PPFIA2: variants seen among roughly 807,000 people sequenced by gnomAD.
The protein encoded by PPFIA2 is PPFI scaffold protein A2, also known as liprin-alpha-2.
A neutral mutation model predicts 175.5 loss-of-function variants in PPFIA2; 46 were observed. The observed-to-expected ratio is 0.26, with a 90% CI of 0.21 to 0.34. The LOEUF is 0.34. Ranked by LOEUF, PPFIA2 falls within the 10% of genes least tolerant of loss-of-function variation. PPFIA2 has a pLI of 1.00. For missense variants in PPFIA2, 1,179 were observed against 1,506.1 expected, an observed-to-expected ratio of 0.78 and a Z score of 3.60; for synonymous variants, 568 against 511.4, an observed-to-expected ratio of 1.11 and a Z score of -1.49.
intron 4 of PPFIA2, among the ~76,000 whole-genome samples, chr12:81,552,364 C>A (rs192086772): frequency 6.7e-6 from 1 of 148,856 alleles, no homozygotes; most frequent in Non-Finnish European, 1.5e-5. Context: ...GTAATATACA[C>A]ATTTTTTTTT....
intron 13 of PPFIA2, chr12:81,368,133 C>T (rs2034055791): frequency 7.8e-7 from 1 of 1,288,220 alleles, no homozygotes; most frequent in South Asian, 1.2e-5. Context: ...TGGTAACCAG[C>T]TCTCATAACT....
At chr12:81,553,457 C>G (rs986060683) in intron 4 of PPFIA2, among the ~76,000 whole-genome samples, 1 of 152,040 alleles carries the variant, frequency 6.6e-6, no homozygotes, top group Non-Finnish European at 1.5e-5. Flanking sequence ...TGAATCTTAG[C>G]AGGCCCTGTG....
chr12:81,716,577 A>AG (rs1388511472), intron 3 of PPFIA2, among the ~76,000 whole-genome samples: 12 of 147,262 alleles, frequency 8.1e-5, no homozygotes, highest in Non-Finnish European at 1.5e-4. Flanking sequence ...CACACACACA[A>AG]GCACACACAT....
At chr12:81,459,977 T>A (rs968238517) in intron 4 of PPFIA2, among the ~76,000 whole-genome samples, 20 of 152,160 alleles carry the variant, frequency 1.3e-4, no homozygotes, top group Non-Finnish European at 2.9e-4. Context: ...CATTCTCCAC[T>A]GCAAGTTTAG....
chr12:81,507,437 G>T (rs1447868696), intron 4 of PPFIA2, among the ~76,000 whole-genome samples: 1 of 151,970 alleles, frequency 6.6e-6, no homozygotes, highest in East Asian at 1.9e-4. Flanking sequence ...AAATGTCTGA[G>T]AAATTGTTTT....
chr12:81,382,737 C>G (rs1020559179), intron 9 of PPFIA2, among the ~76,000 whole-genome samples: 3 of 151,996 alleles, frequency 2.0e-5, no homozygotes, highest in Non-Finnish European at 4.4e-5. Context: ...AGAAAAGAGT[C>G]TGAAGTGCTA....
At chr12:81,521,028 T>A (rs1284864022) in intron 4 of PPFIA2, among the ~76,000 whole-genome samples, 1 of 152,216 alleles carries the variant, frequency 6.6e-6, no homozygotes, top group Non-Finnish European at 1.5e-5. Context: ...TATTTATATG[T>A]TGCTCTATTT....
At chr12:81,308,524 C>T (rs1296868586) in intron 22 of PPFIA2, among the ~76,000 whole-genome samples, 2 of 152,146 alleles carry the variant, frequency 1.3e-5, no homozygotes, top group East Asian at 3.8e-4. Context: ...AGCCAATTAA[C>T]ATTTCTGAAA....
intron 4 of PPFIA2, among the ~76,000 whole-genome samples, chr12:81,642,660 ATTATATACATACATGTATGTATC>A (rs2065174003): frequency 1.7e-5 from 2 of 118,790 alleles, no homozygotes; most frequent in Non-Finnish European, 3.5e-5. Context: ...GTATGTATCT[ATTATATACATACATGTATGTATC>A]TATTATATAC....
chr12:81,567,779 T>C (rs981672941), intron 4 of PPFIA2, among the ~76,000 whole-genome samples: 1 of 152,202 alleles, frequency 6.6e-6, no homozygotes, highest in Non-Finnish European at 1.5e-5. Context: ...TCCTGATTTG[T>C]GTCCTTTCTA....
chr12:81,449,205 A>T (rs2051922143), intron 5 of PPFIA2, among the ~76,000 whole-genome samples: 1 of 152,168 alleles, frequency 6.6e-6, no homozygotes, highest in South Asian at 2.1e-4. Flanking sequence ...CACGATTAAG[A>T]CTGATGGAGA....
intron 22 of PPFIA2, among the ~76,000 whole-genome samples, chr12:81,301,643 G>A (rs540515322): frequency 1.3e-5 from 2 of 151,890 alleles, no homozygotes; most frequent in African/African-American, 4.8e-5. Flanking sequence ...TATCGTACCC[G>A]CGCCATCTCT....
chr12:81,473,907 T>C (rs2057118811), intron 4 of PPFIA2, among the ~76,000 whole-genome samples: 1 of 152,190 alleles, frequency 6.6e-6, no homozygotes, highest in African/African-American at 2.4e-5. Context: ...TAGCATTCCT[T>C]ACTCATTTTT....
rs777911116 is a variant in PPFIA2, at chr12:81,754,156, G to C, written c.66C>G (p.Ser22Arg). 1 of 1,613,026 alleles carries C rather than the reference G, an allele frequency of 6.2e-7. No individual in the cohort carries two copies. Among genetic ancestry groups the C allele is most frequent in the Admixed American group, 1.7e-5 (1 of 59,918 alleles). The change falls in exon 3 of 33, where the codon AGC becomes AGG. Residue 22 changes from serine to arginine, a missense_variant. By Grantham distance (110) the Ser-to-Arg change is moderately radical. Around this residue, in one of 10 missense-constraint regions of PPFIA2, gnomAD observed 128 missense variants for 141.4 expected, o/e 0.91. Transcript: ENST00000549396. ...AATGGGAGTCTGAGTCCGAGCCACT[G>C]CTTTGGGACCCCCTTTGGCTCATTG... ...DTPMSQRGSQSSGSDSDSHFE... is the reference protein window; with the variant it reads ...DTPMSQRGSQRSGSDSDSHFE...
At chr12:81,513,991 G>A (rs1216303298) in intron 4 of PPFIA2, among the ~76,000 whole-genome samples, 10 of 151,930 alleles carry the variant, frequency 6.6e-5, no homozygotes, top group Non-Finnish European at 1.5e-4. Context: ...TCATATTCAA[G>A]TATTTGTTTT....
chr12:81,440,093 A>T, intron 6 of PPFIA2, 47 bp from the exon 7 acceptor site: 4 of 1,381,470 alleles, frequency 2.9e-6, no homozygotes, highest in Non-Finnish European at 4.0e-6. Flanking sequence ...TCCCATACAT[A>T]TTAAACTGTG....
chr12:81,607,886 A>G (rs889110998), intron 4 of PPFIA2, among the ~76,000 whole-genome samples: 2 of 151,714 alleles, frequency 1.3e-5, no homozygotes, highest in Admixed American at 1.3e-4. Context: ...CTCAAGGGGG[A>G]CGGTTCTAGT....
chr12:81,411,963 C>A (rs2044047133), intron 7 of PPFIA2, among the ~76,000 whole-genome samples: 1 of 151,878 alleles, frequency 6.6e-6, no homozygotes, highest in African/African-American at 2.4e-5. Flanking sequence ...ATGTGGATAT[C>A]TGGGAGAATA....
intron 9 of PPFIA2, among the ~76,000 whole-genome samples, chr12:81,383,141 A>T (rs1265164196): frequency 6.6e-6 from 1 of 152,170 alleles, no homozygotes; most frequent in Non-Finnish European, 1.5e-5. Context: ...GTCAGGGAAA[A>T]AGTAAGATAC....
Sources: allele counts gnomAD v4.1 joint callset (sites outside exome capture counted in the v4.1 genomes callset), GRCh38; gene constraint gnomAD v4.1.1; regional missense constraint gnomAD v4.1.1; transcripts MANE v1.5; gene names NCBI Gene and HGNC (gene_info 2026-07-23, HGNC 2026-07-21).